Variants in PRKAB1 observed in about 807,000 individuals in gnomAD.
The protein encoded by PRKAB1 is protein kinase AMP-activated non-catalytic subunit beta 1.
PRKAB1 carries 18 observed loss-of-function variants against 32.0 expected under a neutral mutation model. The ratio of observed to expected loss-of-function variants is 0.56; its 90% CI spans 0.39 to 0.83. The LOEUF (loss-of-function observed/expected upper bound fraction) is 0.83, where lower values mean the gene tolerates loss of function less well. PRKAB1 is among the 40% of genes least tolerant of loss of function. The pLI is 0.00. For synonymous variants in PRKAB1, 141 were observed against 141.4 expected, an observed-to-expected ratio of 1.00 and a Z score of 0.02; for missense variants, 263 against 352.6, an observed-to-expected ratio of 0.75 and a Z score of 2.03.
chr12:119,673,275 G>A (rs1356009605), intron 2 of PRKAB1, among the ~76,000 whole-genome samples: 1 of 152,198 alleles, frequency 6.6e-6, no homozygotes, highest in African/African-American at 2.4e-5. Context: ...CATTAGCAAG[G>A]ATTATAGTAA....
At chr12:119,670,378 C>T (rs1354277273) in intron 1 of PRKAB1, among the ~76,000 whole-genome samples, 6 of 152,148 alleles carry the variant, frequency 3.9e-5, no homozygotes, top group Non-Finnish European at 8.8e-5. Flanking sequence ...CATCTCACAC[C>T]TTCTTTTGGA....
At chr12:119,672,100 T>A in intron 1 of PRKAB1, 1 of 443,110 alleles carries the variant, frequency 2.3e-6, no homozygotes. Flanking sequence ...TATAGAGCAC[T>A]TACATGGACT....
rs988352683 is a variant in PRKAB1, at chr12:119,680,548, G to A, written c.*223G>A. On this transcript the variant is annotated 3_prime_UTR_variant, in exon 7 of 7. Transcript: ENST00000229328. ...TAGCACCCCCATGGCTTTGAGCCTC[G>A]GGGACTCATCAAGTCCAAGAAAAGA... 9.0e-5 allele frequency: 51 copies of A among 564,642 alleles called. No individual in the cohort carries two copies. The highest frequency in any genetic ancestry group is 1.5e-4 in the African/African-American group (8 of 53,346). 35.0% of individuals were successfully genotyped at this position (564,642 alleles called of 1,614,324 possible).
chr12:119,680,757 C>G lies in PRKAB1; in HGVS notation c.*432C>G, dbSNP rs541089071. The G allele has an allele frequency of 1.3e-4, 22 of 174,590 alleles. No homozygotes were observed. In the South Asian group the frequency reaches 2.7e-3, roughly 22 times the overall value. The allele number at this position is 174,590 out of a possible 1,614,324, so 10.8% of individuals were successfully genotyped here. Reference sequence around the variant, plus strand: ...CCAGTCATCTGTGTGTTTTTAAGGCCAGCCACTTGTCCCTGTTGAGGCCTG... The same window carrying G: ...CCAGTCATCTGTGTGTTTTTAAGGCGAGCCACTTGTCCCTGTTGAGGCCTG... On this transcript the variant is annotated 3_prime_UTR_variant, in exon 7 of 7. Coordinates refer to ENST00000229328, the MANE Select transcript of PRKAB1 (RefSeq NM_006253.5).
intron 1 of PRKAB1, among the ~76,000 whole-genome samples, chr12:119,668,860 A>G (rs998269015): frequency 6.6e-5 from 10 of 152,220 alleles, no homozygotes; most frequent in African/African-American, 2.4e-4. Context: ...TACATATACA[A>G]GCTGAAAGTA....
intron 1 of PRKAB1, 143 bp from the exon 2 acceptor site, chr12:119,672,158 A>G: frequency 1.3e-6 from 1 of 778,270 alleles, no homozygotes; most frequent in Non-Finnish European, 2.0e-6. Flanking sequence ...TTTGCAGGCA[A>G]GGAAACTGAG....
Position 119,674,175 on chromosome 12 carries a change from G to T in PRKAB1, c.417+118G>T. ...CTAGTAAAAGTCCCCGTGTGTGGCA[G>T]AGCTGAGTAGCAGCACTACCTGTCA... On this transcript the variant is annotated intron_variant, in intron 3 of 6. Transcript: ENST00000229328. This position sits in a 1 kb window ranked among gnomAD's most constrained non-coding sequence, Gnocchi z 4.3. 9.3e-7 allele frequency: 1 copy of T among 1,073,072 alleles called. No individual in the cohort carries two copies. The highest frequency in any genetic ancestry group is 2.4e-5 in the East Asian group (1 of 40,932). The allele number at this position is 1,073,072 out of a possible 1,614,324, so 66.5% of individuals were successfully genotyped here.
In PRKAB1 at chr12:119,674,536, CTT is replaced by C. The variant is rs1304638419; in HGVS notation, c.532+83_532+84del. The C allele has an allele frequency of 9.6e-7, 1 of 1,044,852 alleles. No individual in the cohort carries two copies. The highest frequency in any genetic ancestry group is 1.6e-5 in the African/African-American group (1 of 62,722). The allele number at this position is 1,044,852 out of a possible 1,614,324, so 64.7% of individuals were successfully genotyped here. ...ACATACTCTTGTTTCTCTTGCCTCT[CTT>C]GAGCTGAAGCTGCCCAGTCAGATAG... On this transcript the variant is annotated intron_variant, in intron 4 of 6. Coordinates refer to ENST00000229328, the MANE Select transcript of PRKAB1 (RefSeq NM_006253.5). The surrounding 1 kb of genome is among the most constrained non-coding windows in gnomAD (Gnocchi z 4.3).
intron 5 of PRKAB1, chr12:119,678,680 C>G (rs980392680): frequency 6.6e-6 from 1 of 152,374 alleles, no homozygotes; most frequent in East Asian, 1.9e-4. Context: ...CATGCTGTCA[C>G]AGATGACAAG....
chr12:119,675,248 G>A (rs570173739), intron 4 of PRKAB1, among the ~76,000 whole-genome samples: 7 of 152,306 alleles, frequency 4.6e-5, no homozygotes, highest in Admixed American at 2.0e-4. Flanking sequence ...GATTCCGTTC[G>A]TTGACAGGAG....
chr12:119,676,507 A>G, intron 4 of PRKAB1, 30 bp from the exon 5 acceptor site: 2 of 1,564,464 alleles, frequency 1.3e-6, no homozygotes, highest in African/African-American at 2.7e-5. Flanking sequence ...CTGATTTTCA[A>G]AGTAAAGTCC....
At chr12:119,675,134 C>T (rs1487419294) in intron 4 of PRKAB1, among the ~76,000 whole-genome samples, 3 of 152,234 alleles carry the variant, frequency 2.0e-5, no homozygotes, top group Non-Finnish European at 4.4e-5. Flanking sequence ...GGGTTGCGAT[C>T]TAAAGTGTTC....
chr12:119,668,334 C>T lies in PRKAB1; in HGVS notation c.90C>T (p.Asp30=), dbSNP rs1289303123. The T allele has an allele frequency of 2.5e-6, 4 of 1,613,078 alleles. No homozygotes were observed. Among genetic ancestry groups the T allele is most frequent in the Non-Finnish European group, 2.5e-6 (3 of 1,179,594 alleles). The change falls in exon 1 of 7, where the codon GAC becomes GAT. Residue 30 remains aspartate, a synonymous_variant. Coordinates refer to ENST00000229328, the MANE Select transcript of PRKAB1 (RefSeq NM_006253.5). ...GGGACAGCTCGGGGGGCACCAAGGA[C>T]GGGGACAGGCCCAAGATCCTGATGG... ...PRRDSSGGTK[D]GDRPKILMDS... is the part of the protein sequence containing the mutation.
rs1208676641 is a variant in PRKAB1, at chr12:119,668,147, G to T, written c.-98G>T. 12 of 1,343,504 alleles carry T rather than the reference G, an allele frequency of 8.9e-6. No homozygotes were observed. Among genetic ancestry groups the T allele is most frequent in the Non-Finnish European group, 1.2e-5 (12 of 1,034,142 alleles). The allele number at this position is 1,343,504 out of a possible 1,614,324, so 83.2% of individuals were successfully genotyped here. On this transcript the variant is annotated 5_prime_UTR_variant, in exon 1 of 7. Coordinates refer to ENST00000229328, the MANE Select transcript of PRKAB1 (RefSeq NM_006253.5). ...CCTGGTGCTCCGACTCCTTCCGCAG[G>T]CTCCTTGGGACCCGCGGTTCCGGGA... is the stretch of plus-strand genomic sequence containing the variant.
At position 119,674,780 on chromosome 12, in the gene PRKAB1, C is replaced by T. The variant is rs1204132901; in HGVS notation, c.532+326C>T. Among the ~76,000 whole-genome samples the T allele has an allele frequency of 1.3e-5, 2 of 152,250 alleles. No homozygotes were observed. Among genetic ancestry groups the T allele is most frequent in the Non-Finnish European group, 2.9e-5 (2 of 68,052 alleles). Reference sequence around the variant, plus strand: ...CTGGAGGGTGGCACTGAGTCAGTGACAGCCCAGCACTGGGGAAGCCTGTGT... The same window carrying T: ...CTGGAGGGTGGCACTGAGTCAGTGATAGCCCAGCACTGGGGAAGCCTGTGT... On this transcript the variant is annotated intron_variant, in intron 4 of 6. Transcript: ENST00000229328. The surrounding 1 kb of genome is among the most constrained non-coding windows in gnomAD (Gnocchi z 4.3).
upstream of PRKAB1, chr12:119,668,131 C>T: frequency 1.6e-6 from 2 of 1,276,380 alleles, no homozygotes; most frequent in South Asian, 1.8e-5. Context: ...TCCTGGTGCT[C>T]CGACTCCTTC....
In PRKAB1 at chr12:119,668,403, G is replaced by A; in HGVS notation, c.159G>A (p.Lys53=). 1 of 1,612,278 alleles carries A rather than the reference G, an allele frequency of 6.2e-7. No homozygotes were observed. Among genetic ancestry groups the A allele is most frequent in the Non-Finnish European group, 8.5e-7 (1 of 1,179,234 alleles). ...ACCTCTTCCACTCCGAGGAAATCAA[G>A]GTGCGAGCGGTGTGGAGGAACCCGA... ...DADLFHSEEI[K]APEKEEFLAW... Residue 53 remains lysine, a splice_region_variant and synonymous_variant, in exon 1 of 7, where the codon AAG becomes AAA. Coordinates refer to ENST00000229328, the MANE Select transcript of PRKAB1 (RefSeq NM_006253.5).
At position 119,674,087 on chromosome 12, in the gene PRKAB1, GGTGCCCGCACATTCCAAA is replaced by G; in HGVS notation, c.417+31_417+48del. Reference sequence around the variant, plus strand: ...TCTTCCTCCCACCTCTGGTCCTCTGGGTGCCCGCACATTCCAAACAAATCACCTTCCCAAGAGATTGCC... The same window carrying G: ...TCTTCCTCCCACCTCTGGTCCTCTGGCAAATCACCTTCCCAAGAGATTGCC... On this transcript the variant is annotated intron_variant, in intron 3 of 6. Coordinates refer to ENST00000229328, the MANE Select transcript of PRKAB1 (RefSeq NM_006253.5). This position sits in a 1 kb window ranked among gnomAD's most constrained non-coding sequence, Gnocchi z 4.3. 6.3e-7 allele frequency: 1 copy of G among 1,590,212 alleles called. No individual in the cohort carries two copies. The highest frequency in any genetic ancestry group is 8.6e-7 in the Non-Finnish European group (1 of 1,161,440).
chr12:119,676,580 C>T lies in PRKAB1; in HGVS notation c.576C>T (p.Tyr192=), dbSNP rs548467995. 2.6e-5 allele frequency: 42 copies of T among 1,613,512 alleles called. No homozygotes were observed. Among genetic ancestry groups the T allele is most frequent in the East Asian group, 1.6e-4 (7 of 44,886 alleles). ...CAGGACCCTACCATCAGGAGCCCTA[C>T]GTCTGCAAACCCGAAGAGCGCTTTC... The part of the protein sequence containing the change: ...SPPGPYHQEP[Y]VCKPEERFRA... The change falls in exon 5 of 7, where the codon TAC becomes TAT. Residue 192 remains tyrosine, a synonymous_variant. Coordinates refer to ENST00000229328, the MANE Select transcript of PRKAB1 (RefSeq NM_006253.5).
Sources: allele counts gnomAD v4.1 joint callset (sites outside exome capture counted in the v4.1 genomes callset), GRCh38; gene constraint gnomAD v4.1.1; non-coding constraint Gnocchi (gnomAD v3.1); transcripts MANE v1.5; gene names NCBI Gene and HGNC (gene_info 2026-07-23, HGNC 2026-07-21).